The following ZMAT2 variants were observed in gnomAD, a reference collection of about 807,000 sequenced individuals.
ZMAT2 encodes the protein zinc finger matrin-type 2.
In ZMAT2, 5 loss-of-function variants were observed where a neutral mutation model predicts 27.5. The observed-to-expected ratio is 0.18, with a 90% CI of 0.10 to 0.38. The LOEUF is 0.38. Among genes scored for constraint, ZMAT2 ranks in the 10% least tolerant of loss-of-function variants. The probability of loss-of-function intolerance (pLI) is 1.00; values close to 1 mark genes in which losing one functional copy is unlikely to be tolerated. For missense variants in ZMAT2, 124 were observed against 243.9 expected (o/e 0.51, Z 3.27); for synonymous variants, 76 against 78.6 (o/e 0.97, Z 0.17).
chr5:140,701,100 G>A lies in ZMAT2; in HGVS notation c.112+188G>A, dbSNP rs377187699. ...GGTGGGATGAAGTAAGTAGTTTTGA[G>A]ATGCTCTTCAGCTCTATTTCACTCT... On this transcript the variant is annotated intron_variant, in intron 2 of 5. Coordinates refer to ENST00000274712, the MANE Select transcript of ZMAT2 (RefSeq NM_144723.3). 2.0e-5 allele frequency among the ~76,000 whole-genome samples: 3 copies of A among 152,290 alleles called. No individual in the cohort carries two copies. In the East Asian group the frequency reaches 5.8e-4, roughly 29 times the overall value.
chr5:140,700,570 C>T, intron 1 of ZMAT2, 92 bp downstream of exon 1: 8 of 1,596,134 alleles, frequency 5.0e-6, no homozygotes, highest in Non-Finnish European at 6.8e-6. Flanking sequence ...GACTGGCTTC[C>T]CGATATCTCC....
chr5:140,700,566 C>T, intron 1 of ZMAT2, 88 bp downstream of exon 1: 3 of 1,599,308 alleles, frequency 1.9e-6, no homozygotes, highest in Non-Finnish European at 2.6e-6. Flanking sequence ...ACCCGACTGG[C>T]TTCCCGATAT....
In ZMAT2 at chr5:140,705,900, G is replaced by T. The variant is rs546394098; in HGVS notation, c.*144G>T. On this transcript the variant is annotated 3_prime_UTR_variant, in exon 6 of 6. Transcript: ENST00000274712. Reference sequence around the variant, plus strand: ...GAGGGATAGAGGGTGGGGGCTCATGGTTTCCCTCTACTTTGGGAGAGGGCA... The same window carrying T: ...GAGGGATAGAGGGTGGGGGCTCATGTTTTCCCTCTACTTTGGGAGAGGGCA... 2.1e-5 allele frequency: 23 copies of T among 1,100,818 alleles called. No homozygotes were observed. In the African/African-American group the frequency reaches 3.1e-4, roughly 15 times the overall value. The allele number at this position is 1,100,818 out of a possible 1,614,324, so 68.2% of individuals were successfully genotyped here.
intron 4 of ZMAT2, 79 bp downstream of exon 4, chr5:140,704,070 TTTC>T: frequency 7.4e-7 from 1 of 1,345,052 alleles, no homozygotes; most frequent in Non-Finnish European, 1.1e-6. Flanking sequence ...TAGCTTTTTT[TTTC>T]TTCTTTTTAC....
intron 3 of ZMAT2, among the ~76,000 whole-genome samples, chr5:140,702,402 A>G (rs1407547348): frequency 6.6e-6 from 1 of 152,132 alleles, no homozygotes; most frequent in Admixed American, 6.5e-5. Context: ...TTGGGAGGCC[A>G]AGGCAGGAGG....
intron 4 of ZMAT2, 26 bp downstream of exon 4, chr5:140,704,017 T>C (rs1760008385): frequency 6.2e-7 from 1 of 1,609,362 alleles, no homozygotes; most frequent in Non-Finnish European, 8.5e-7. Flanking sequence ...AGCTTGTGAC[T>C]AGGGCTGGAA....
chr5:140,704,682 C>T, intron 5 of ZMAT2, 111 bp downstream of exon 5: 3 of 1,162,822 alleles, frequency 2.6e-6, no homozygotes, highest in Non-Finnish European at 3.6e-6. Context: ...GTTGTATCTC[C>T]TGAGTTCTGT....
rs1760052743 is a variant in ZMAT2 at position 140,706,101 on chromosome 5, C to T, written c.*345C>T. 4.4e-6 allele frequency: 1 copy of T among 226,262 alleles called. No homozygotes were observed. Among genetic ancestry groups the T allele is most frequent in the Non-Finnish European group, 8.7e-6 (1 of 115,584 alleles). The allele number at this position is 226,262 out of a possible 1,614,324, so 14.0% of individuals were successfully genotyped here. On this transcript the variant is annotated 3_prime_UTR_variant, in exon 6 of 6. Coordinates refer to ENST00000274712, the MANE Select transcript of ZMAT2 (RefSeq NM_144723.3). The stretch of plus-strand genomic sequence containing the variant: ...TCTATCCCACCTCTTGTCTGAACAT[C>T]CCACCTTTATCCTGTGTTCTGCCTT...
chr5:140,706,418 G>A lies in ZMAT2; in HGVS notation c.*662G>A, dbSNP rs762943285. 1 of 152,632 alleles carries A rather than the reference G, an allele frequency of 6.6e-6. No homozygotes were observed. Among genetic ancestry groups the A allele is most frequent in the Admixed American group, 6.5e-5 (1 of 15,278 alleles). The allele number at this position is 152,632 out of a possible 1,614,324, so 9.5% of individuals were successfully genotyped here. A position where few individuals can be genotyped will look rare whatever the true frequency, so the allele number is the denominator to read the frequency against. On this transcript the variant is annotated 3_prime_UTR_variant, in exon 6 of 6. Transcript: ENST00000274712. ...AGGAAATTAAATGGGATGAGTGTTT[G>A]GTGTGGTTTGTGTCTGATGAGTTTT...
At chr5:140,704,683 T>C in intron 5 of ZMAT2, 112 bp downstream of exon 5, 1 of 1,146,770 alleles carries the variant, frequency 8.7e-7, no homozygotes, top group Middle Eastern at 3.0e-4. Flanking sequence ...TTGTATCTCC[T>C]GAGTTCTGTA....
chr5:140,702,029 C>T lies in ZMAT2; in HGVS notation c.136C>T (p.Arg46Ter), dbSNP rs1759972867. The T allele has an allele frequency of 1.2e-6, 2 of 1,612,002 alleles. No homozygotes were observed. The highest frequency in any genetic ancestry group is 1.7e-6 in the Non-Finnish European group (2 of 1,179,082). The change falls in exon 3 of 6, where the codon CGA (arginine) becomes TGA (stop). Residue 46 changes from arginine to a stop codon, truncating the protein, a stop_gained. Transcript: ENST00000274712. LOFTEE classifies it high-confidence loss of function. ...AGGAAAACCAGTGCAGCCTGTCAAG[C>T]GAGAGCTTTTACGGCATAGGGACTA... ...KDGKPVQPVK[R>*]ELLRHRDYKV...
At chr5:140,702,207 A>G in intron 3 of ZMAT2, 78 bp downstream of exon 3, 1 of 1,550,942 alleles carries the variant, frequency 6.4e-7, no homozygotes, top group Non-Finnish European at 8.8e-7. Context: ...GGAAGTGTTA[A>G]GGAAGGTCCT....
intron 4 of ZMAT2, 52 bp downstream of exon 4, chr5:140,704,043 G>A: frequency 1.3e-6 from 2 of 1,520,646 alleles, no homozygotes; most frequent in South Asian, 1.1e-5. Context: ...TTTTGGAGGT[G>A]GGGTGGAATG....
At chr5:140,703,784 G>A in intron 3 of ZMAT2, 134 bp from the exon 4 acceptor site, 3 of 787,474 alleles carry the variant, frequency 3.8e-6, no homozygotes, top group Non-Finnish European at 6.4e-6. Context: ...ATACTCTCTC[G>A]AAAGCTAAGG....
At chr5:140,702,645 G>A (rs764071735) in intron 3 of ZMAT2, among the ~76,000 whole-genome samples, 10 of 152,344 alleles carry the variant, frequency 6.6e-5, no homozygotes, top group Non-Finnish European at 1.2e-4. Flanking sequence ...GGACTACTGA[G>A]GAGATTTCTA....
chr5:140,704,065 T>C, intron 4 of ZMAT2, 74 bp downstream of exon 4: 2 of 1,379,950 alleles, frequency 1.4e-6, no homozygotes, highest in Non-Finnish European at 2.0e-6. Context: ...AAGGGTAGCT[T>C]TTTTTTTCTT....
chr5:140,702,678 G>A (rs1262284395), intron 3 of ZMAT2, among the ~76,000 whole-genome samples: 2 of 152,222 alleles, frequency 1.3e-5, no homozygotes, highest in Non-Finnish European at 2.9e-5. Context: ...GGTGGAGCTA[G>A]AATAGAGCCT....
chr5:140,703,490 T>C (rs1400481150), intron 3 of ZMAT2, among the ~76,000 whole-genome samples: 1 of 152,138 alleles, frequency 6.6e-6, no homozygotes, highest in Non-Finnish European at 1.5e-5. Flanking sequence ...CGCCTCGGCC[T>C]CCCAAAGTGC....
chr5:140,702,272 C>A (rs961706726), intron 3 of ZMAT2, 143 bp downstream of exon 3: 8 of 1,137,530 alleles, frequency 7.0e-6, no homozygotes, highest in African/African-American at 1.6e-5. Context: ...ATTTGTTTTT[C>A]TGTGTCTCCC....
Sources: gnomAD v4.1 joint callset for allele counts (sites outside exome capture counted in the v4.1 genomes callset) on GRCh38, gnomAD v4.1.1 for gene constraint, MANE v1.5 for transcripts, NCBI Gene and HGNC (gene_info 2026-07-23, HGNC 2026-07-21) for gene names.